The following ROBO1 variants were observed in gnomAD, a reference collection of about 807,000 sequenced individuals.
ROBO1 encodes roundabout guidance receptor 1.
In ROBO1, 149 loss-of-function variants were observed where a neutral mutation model predicts 195.9. The ratio of observed to expected loss-of-function variants is 0.76; its 90% confidence interval spans 0.67 to 0.87. The LOEUF (loss-of-function observed/expected upper bound fraction) is 0.87, where lower values mean the gene tolerates loss of function less well. Ranked by LOEUF, ROBO1 falls within the 40% of genes least tolerant of loss-of-function variation. The pLI, the probability that ROBO1 is intolerant of heterozygous loss-of-function variation, is 0.00. For synonymous variants in ROBO1, 816 were observed against 733.2 expected (o/e 1.11, Z -1.82); for missense variants, 1,933 against 2,068.3 (o/e 0.93, Z 1.27).
chr3:78,676,810 A>G (rs919337764), intron 10 of ROBO1, among the ~76,000 whole-genome samples: 1 of 152,208 alleles, frequency 6.6e-6, no homozygotes, highest in African/African-American at 2.4e-5. Flanking sequence ...ATTCAGATTC[A>G]GGAAATACAG....
At chr3:79,473,414 A>C (rs1052496847) in intron 2 of ROBO1, among the ~76,000 whole-genome samples, 1 of 152,136 alleles carries the variant, frequency 6.6e-6, no homozygotes, top group Non-Finnish European at 1.5e-5. Context: ...GGTAAAAACA[A>C]GAACACTAGC....
At chr3:78,639,684 G>T in intron 22 of ROBO1, 60 bp downstream of exon 22, 1 of 1,464,846 alleles carries the variant, frequency 6.8e-7, no homozygotes, top group Non-Finnish European at 9.3e-7. Context: ...GGAAAGAAAA[G>T]ATCTTCTGGC....
In ROBO1 at chr3:78,962,667, T is replaced by C. The variant is rs534446313; in HGVS notation, c.173-23740A>G. Among the ~76,000 whole-genome samples the C allele has an allele frequency of 4.0e-5, 6 of 151,504 alleles. No individual in the cohort carries two copies. In the South Asian group the frequency reaches 1.0e-3, roughly 26 times the overall value. On this transcript the variant is annotated intron_variant, in intron 3 of 30. Transcript: ENST00000464233. ...GGTGAAACCCCGTCTCTACTAAAAATACAAAAAATTAGCCAGGCGTGGTGG... is the reference window on the plus strand; with the variant it reads ...GGTGAAACCCCGTCTCTACTAAAAACACAAAAAATTAGCCAGGCGTGGTGG...
rs546388409 is a variant in ROBO1, at chr3:79,475,982, A to G, written c.88+113842T>C. Among the ~76,000 whole-genome samples the G allele has an allele frequency of 2.0e-5, 3 of 152,182 alleles. No individual in the cohort carries two copies. In the South Asian group the frequency reaches 6.2e-4, roughly 32 times the overall value. On this transcript the variant is annotated intron_variant, in intron 2 of 30. Coordinates refer to ENST00000464233, the MANE Select transcript of ROBO1 (RefSeq NM_002941.4). ...ATTATTAATGGATAAAATAAAATAA[A>G]TGGAGTTAAAATGATATTAAAAATC...
At chr3:79,020,506 A>G (rs1473393513) in intron 3 of ROBO1, among the ~76,000 whole-genome samples, 2 of 152,112 alleles carry the variant, frequency 1.3e-5, no homozygotes, top group Non-Finnish European at 2.9e-5. Context: ...AGCCTGACCA[A>G]TATGGTGAAA....
chr3:78,885,940 T>TATATATAC (rs1043908565), intron 4 of ROBO1, among the ~76,000 whole-genome samples: 215 of 140,778 alleles, frequency 1.5e-3, no homozygotes, highest in African/African-American at 4.9e-3. Context: ...TATATATATA[T>TATATATAC]ACATACATAT....
At chr3:79,624,906 A>G (rs1048482813) in intron 1 of ROBO1, among the ~76,000 whole-genome samples, 1 of 152,114 alleles carries the variant, frequency 6.6e-6, no homozygotes, top group Non-Finnish European at 1.5e-5. Context: ...ATTCTTCTTA[A>G]TGCCACATGG....
At chr3:78,989,308 A>T (rs189531507) in intron 3 of ROBO1, among the ~76,000 whole-genome samples, 90 of 152,300 alleles carry the variant, frequency 5.9e-4, no homozygotes, top group African/African-American at 2.1e-3. Context: ...TAAGAAAATA[A>T]AATTTAAAAA....
chr3:78,668,496 T>C lies in ROBO1; in HGVS notation c.1618A>G (p.Ile540Val), dbSNP rs760630776. Residue 540 changes from isoleucine (I) to valine (V), a missense_variant, in exon 12 of 31, where the codon ATT becomes GTT. Around this residue, in one of 3 missense-constraint regions of ROBO1, gnomAD observed 1,737 missense variants for 1,882.5 expected, o/e 0.92. Coordinates refer to ENST00000464233, the MANE Select transcript of ROBO1 (RefSeq NM_002941.4). ...CCATTTACTTTACCTTGAACTTCAA[T>C]GTAAGCACTCCATGTTGCTTCACCA... ...PSGEATWSAY[I>V]EVQEFGVPVQ... 8 of 1,613,628 alleles carry C rather than the reference T, an allele frequency of 5.0e-6. No individual in the cohort carries two copies. The South Asian group carries it at 5.5e-5, about 11-fold the overall frequency.
rs1219781501 is a variant in ROBO1, at chr3:79,373,647, A to G, written c.88+216177T>C. Among the ~76,000 whole-genome samples the G allele has an allele frequency of 3.3e-5, 5 of 152,194 alleles. No individual in the cohort carries two copies. In the East Asian group the frequency reaches 9.6e-4, roughly 29 times the overall value. ...TATGGAATTGTATCTGATCTTTAGT[A>G]TTTGTAATAGGATAGCCTTCAGCTT... On this transcript the variant is annotated intron_variant, in intron 2 of 30. Transcript: ENST00000464233.
chr3:79,191,609 T>G (rs946366122), intron 2 of ROBO1, among the ~76,000 whole-genome samples: 1 of 151,362 alleles, frequency 6.6e-6, no homozygotes, highest in Non-Finnish European at 1.5e-5. Flanking sequence ...GCTTTAAACA[T>G]AAGGATATGT....
intron 3 of ROBO1, among the ~76,000 whole-genome samples, chr3:79,066,663 C>G (rs561611919): frequency 1.3e-5 from 2 of 151,896 alleles, no homozygotes; most frequent in Non-Finnish European, 2.9e-5. Flanking sequence ...AGGAGGTTCC[C>G]GCTTACCATT....
chr3:78,711,656 T>G, intron 8 of ROBO1, among the ~76,000 whole-genome samples: 1 of 150,396 alleles, frequency 6.6e-6, no homozygotes, highest in South Asian at 2.1e-4. Context: ...CAGCTAATTT[T>G]TTTTGTATTT....
chr3:78,656,147 G>A (rs931057482), intron 18 of ROBO1, among the ~76,000 whole-genome samples: 1 of 151,524 alleles, frequency 6.6e-6, no homozygotes, highest in East Asian at 1.9e-4. Context: ...ATCTAACCAC[G>A]TTTGAGGCAC....
At chr3:79,077,361 C>T (rs1285007619) in intron 3 of ROBO1, among the ~76,000 whole-genome samples, 2 of 151,718 alleles carry the variant, frequency 1.3e-5, no homozygotes, top group African/African-American at 4.8e-5. Flanking sequence ...TCCTATGATG[C>T]ATATAGTTAA....
intron 3 of ROBO1, among the ~76,000 whole-genome samples, chr3:78,960,886 A>G (rs1191235238): frequency 6.6e-6 from 1 of 151,320 alleles, no homozygotes; most frequent in East Asian, 1.9e-4. Flanking sequence ...AAGTATTTTT[A>G]CTGGTTTTCC....
rs551689251 is a variant in ROBO1 at position 79,143,691 on chromosome 3, A to C, written c.89-18152T>G. 9.2e-5 allele frequency among the ~76,000 whole-genome samples: 14 copies of C among 152,192 alleles called. No homozygotes were observed. The South Asian group carries it at 2.5e-3, about 27-fold the overall frequency. On this transcript the variant is annotated intron_variant, in intron 2 of 30. Coordinates refer to ENST00000464233, the MANE Select transcript of ROBO1 (RefSeq NM_002941.4). ...AGGTTCATGTGCATAATATAGGAATATTTATTATACATTTTACCTCGTTTC... is the reference window on the plus strand; with the variant it reads ...AGGTTCATGTGCATAATATAGGAATCTTTATTATACATTTTACCTCGTTTC...
intron 6 of ROBO1, 119 bp downstream of exon 6, chr3:78,717,644 C>T: frequency 1.7e-6 from 2 of 1,186,572 alleles, no homozygotes; most frequent in East Asian, 2.6e-5. Context: ...CTTCTCTCCT[C>T]TTTCTACCCA....
intron 3 of ROBO1, among the ~76,000 whole-genome samples, chr3:78,981,785 G>GC (rs2076997180): frequency 1.5e-5 from 2 of 131,650 alleles, no homozygotes; most frequent in Non-Finnish European, 3.2e-5. Context: ...CCTGGCCCCT[G>GC]CCAACACACA....
Sources: allele counts gnomAD v4.1 joint callset (sites outside exome capture counted in the v4.1 genomes callset), GRCh38; gene constraint gnomAD v4.1.1; regional missense constraint gnomAD v4.1.1; transcripts MANE v1.5; gene names NCBI Gene and HGNC (gene_info 2026-07-23, HGNC 2026-07-21).